Variants in MED25 observed in about 807,000 individuals in gnomAD.
MED25 encodes the protein mediator complex subunit 25, also known as mediator of RNA polymerase II transcription subunit 25.
MED25 carries 62 observed loss-of-function variants against 89.4 expected under a neutral mutation model. The ratio of observed to expected loss-of-function variants is 0.69; its 90% CI spans 0.57 to 0.86. The LOEUF is 0.86. Ranked by LOEUF, MED25 falls within the 40% of genes least tolerant of loss-of-function variation. The pLI is 0.00. For synonymous variants in MED25, 449 were observed against 427.9 expected, an observed-to-expected ratio of 1.05 and a Z score of -0.61; for missense variants, 905 against 1,005.2, an observed-to-expected ratio of 0.90 and a Z score of 1.35.
Position 49,836,040 on chromosome 19 carries a change from T to C in MED25, c.1965+95T>C. 6.4e-7 allele frequency: 1 copy of C among 1,558,220 alleles called. No individual in the cohort carries two copies. Among genetic ancestry groups the C allele is most frequent in the Admixed American group, 1.9e-5 (1 of 52,184 alleles). On this transcript the variant is annotated intron_variant, in intron 16 of 17. Transcript: ENST00000312865. This position sits in a 1 kb window ranked among gnomAD's most constrained non-coding sequence, Gnocchi z 5.1. ...GAGGAGGGAGGTTGACTGTGGTCAG[T>C]GGGTGTGAATGGGGACCCGCCCAGG...
At position 49,829,728 on chromosome 19, in the gene MED25, C is replaced by A; in HGVS notation, c.526-58C>A. 6.6e-7 allele frequency: 1 copy of A among 1,521,704 alleles called. No individual in the cohort carries two copies. The highest frequency in any genetic ancestry group is 8.9e-7 in the Non-Finnish European group (1 of 1,122,802). The allele number at this position is 1,521,704 out of a possible 1,614,324, so 94.3% of individuals were successfully genotyped here. On this transcript the variant is annotated intron_variant, in intron 5 of 17. Transcript: ENST00000312865. This position sits in a 1 kb window ranked among gnomAD's most constrained non-coding sequence, Gnocchi z 4.6. ...ACAGCAGTTGTGGTAGGTTGGGGGC[C>A]GGCCCCAACACCCTTATGGAGGGGG...
chr19:49,838,942 G>A, downstream of MED25: 1 of 368,178 alleles, frequency 2.7e-6, no homozygotes, highest in South Asian at 2.1e-5. Context: ...GTTTATAAAG[G>A]AGCAGAGTGA....
rs761720007 is a variant in MED25 at position 49,836,822 on chromosome 19, C to G, written c.2147-25C>G. 3 of 1,577,252 alleles carry G rather than the reference C, an allele frequency of 1.9e-6. No homozygotes were observed. The highest frequency in any genetic ancestry group is 2.6e-6 in the Non-Finnish European group (3 of 1,149,536). ...GGGCCCAAGGGCCTACTGGGAGATGCAGTCCCTTCCCCACTGCCCCTCAGG... is the reference window on the plus strand; with the variant it reads ...GGGCCCAAGGGCCTACTGGGAGATGGAGTCCCTTCCCCACTGCCCCTCAGG... On this transcript the variant is annotated intron_variant, in intron 17 of 17. Coordinates refer to ENST00000312865, the MANE Select transcript of MED25 (RefSeq NM_030973.4). This position sits in a 1 kb window ranked among gnomAD's most constrained non-coding sequence, Gnocchi z 5.1.
chr19:49,824,390 A>G (rs2074001783), intron 3 of MED25, among the ~76,000 whole-genome samples: 1 of 152,170 alleles, frequency 6.6e-6, no homozygotes, highest in African/African-American at 2.4e-5. Context: ...CTGGCTGAAT[A>G]AATGAATTAG....
At chr19:49,832,215 T>C in intron 12 of MED25, 58 bp downstream of exon 12, 2 of 1,589,672 alleles carry the variant, frequency 1.3e-6, no homozygotes, top group Non-Finnish European at 8.6e-7. Flanking sequence ...TGCTGTCTCT[T>C]TCCTGTTCCC....
At chr19:49,823,772 G>A (rs752599802) in intron 3 of MED25, among the ~76,000 whole-genome samples, 1 of 152,130 alleles carries the variant, frequency 6.6e-6, no homozygotes, top group Admixed American at 6.6e-5. Flanking sequence ...GGAATTCGTA[G>A]GTAACACAGA....
At position 49,831,481 on chromosome 19, in the gene MED25, A is replaced by G. The variant is rs199770232; in HGVS notation, c.1230+20A>G. ...CAAGAGGTGAGGGGCCTGAGGGTCC[A>G]TTGGGCACTTGGGACTCCTGGGGCC... On this transcript the variant is annotated intron_variant, in intron 10 of 17. Coordinates refer to ENST00000312865, the MANE Select transcript of MED25 (RefSeq NM_030973.4). This position sits in a 1 kb window ranked among gnomAD's most constrained non-coding sequence, Gnocchi z 5.0. 11 of 1,609,454 alleles carry G rather than the reference A, an allele frequency of 6.8e-6. No individual in the cohort carries two copies. The South Asian group carries it at 8.9e-5, about 13-fold the overall frequency.
Position 49,835,292 on chromosome 19 carries a change from T to A in MED25, c.1674+115T>A. ...CACCCTTCTCCCAATATGTGGTGCC[T>A]CCAAGCTAAGTCCCACTCAGATTTT... On this transcript the variant is annotated intron_variant, in intron 14 of 17. Transcript: ENST00000312865. This position sits in a 1 kb window ranked among gnomAD's most constrained non-coding sequence, Gnocchi z 6.2. 1 of 1,215,314 alleles carries A rather than the reference T, an allele frequency of 8.2e-7. No homozygotes were observed. The highest frequency in any genetic ancestry group is 1.2e-6 in the Non-Finnish European group (1 of 822,986). 75.3% of individuals were successfully genotyped at this position (1,215,314 alleles called of 1,614,324 possible). A position where few individuals can be genotyped will look rare whatever the true frequency, so the allele number is the denominator to read the frequency against.
At position 49,835,988 on chromosome 19, in the gene MED25, C is replaced by G; in HGVS notation, c.1965+43C>G. On this transcript the variant is annotated intron_variant, in intron 16 of 17. Coordinates refer to ENST00000312865, the MANE Select transcript of MED25 (RefSeq NM_030973.4). This position sits in a 1 kb window ranked among gnomAD's most constrained non-coding sequence, Gnocchi z 6.2. ...GGTAGCGAGAGTTCCAGATCCTGGCCCTGGTGGTTCTGGTCCTGTTGTCTG... is the reference window on the plus strand; with the variant it reads ...GGTAGCGAGAGTTCCAGATCCTGGCGCTGGTGGTTCTGGTCCTGTTGTCTG... 1.9e-6 allele frequency: 3 copies of G among 1,606,390 alleles called. No individual in the cohort carries two copies. The highest frequency in any genetic ancestry group is 1.7e-6 in the Non-Finnish European group (2 of 1,177,440).
At position 49,836,273 on chromosome 19, in the gene MED25, G is replaced by C. The variant is rs1354731314; in HGVS notation, c.2013G>C (p.Gln671His). The C allele has an allele frequency of 1.2e-6, 2 of 1,612,400 alleles. No individual in the cohort carries two copies. Among genetic ancestry groups the C allele is most frequent in the Non-Finnish European group, 1.7e-6 (2 of 1,179,714 alleles). Residue 671 changes from glutamine (Q) to histidine (H), a missense_variant, in exon 17 of 18, where the codon CAG becomes CAC. Gln to His is a conservative substitution (Grantham distance 24). Transcript: ENST00000312865. This position sits in a 1 kb window ranked among gnomAD's most constrained non-coding sequence, Gnocchi z 5.1. ...CCCAGGCCTCCCTCCACCACCTCCAGCCACCAGGGGCTCCTGCGCTGCTGC... is the reference window on the plus strand; with the variant it reads ...CCCAGGCCTCCCTCCACCACCTCCACCCACCAGGGGCTCCTGCGCTGCTGC... ...PPPQASLHHL[Q>H]PPGAPALLPP... is the part of the protein sequence containing the mutation.
rs2074096117 is a variant in MED25 at position 49,836,137 on chromosome 19, C to T, written c.1966-89C>T. 6.5e-7 allele frequency: 1 copy of T among 1,533,878 alleles called. No individual in the cohort carries two copies. The highest frequency in any genetic ancestry group is 1.2e-5 in the South Asian group (1 of 86,858). On this transcript the variant is annotated intron_variant, in intron 16 of 17. Coordinates refer to ENST00000312865, the MANE Select transcript of MED25 (RefSeq NM_030973.4). The surrounding 1 kb of genome is among the most constrained non-coding windows in gnomAD (Gnocchi z 5.1). ...TTTGAAGAAAAACTTCCCCTCACCA[C>T]TAGCTGATTCCATCTCTGAGCAGTG...
chr19:49,828,849 A>AG lies in MED25; in HGVS notation c.405-117dup. On this transcript the variant is annotated intron_variant, in intron 4 of 17. Transcript: ENST00000312865. Reference sequence around the variant, plus strand: ...GCCTCAGTGTTCTCAGCTGTAAAGTAGGGGCGTTGCTTCTGATTCCATGTG... The same window carrying AG: ...GCCTCAGTGTTCTCAGCTGTAAAGTAGGGGGCGTTGCTTCTGATTCCATGTG... 3 of 1,533,876 alleles carry AG rather than the reference A, an allele frequency of 2.0e-6. No individual in the cohort carries two copies. In the South Asian group the frequency reaches 3.6e-5, roughly 18 times the overall value.
In MED25 at chr19:49,818,311, T is replaced by C. The variant is rs1018990154; in HGVS notation, c.-31T>C. ...CTCATTCCGCGGCGTCGGCTGCGGCTGCAGTGGTGGTGGCGGGTACCGCAC... is the reference window on the plus strand; with the variant it reads ...CTCATTCCGCGGCGTCGGCTGCGGCCGCAGTGGTGGTGGCGGGTACCGCAC... On this transcript the variant is annotated 5_prime_UTR_variant, in exon 1 of 18. Transcript: ENST00000312865. 4.5e-6 allele frequency: 7 copies of C among 1,565,932 alleles called. No individual in the cohort carries two copies. In the African/African-American group the frequency reaches 8.2e-5, roughly 18 times the overall value.
chr19:49,828,320 A>C, intron 3 of MED25, 129 bp from the exon 4 acceptor site: 1 of 719,218 alleles, frequency 1.4e-6, no homozygotes, highest in Non-Finnish European at 2.5e-6. Context: ...GGAACTCAGC[A>C]GGGTCCCCGT....
chr19:49,835,573 C>T lies in MED25; in HGVS notation c.1714C>T (p.Leu572=). The change falls in exon 15 of 18, where the codon CTG becomes TTG. Residue 572 remains leucine (L), a synonymous_variant. Transcript: ENST00000312865. The surrounding 1 kb of genome is among the most constrained non-coding windows in gnomAD (Gnocchi z 6.2). ...QQAPPGLGPI[L]EDQARPSQNL... Reference sequence around the variant, plus strand: ...GGCACCCCCAGGGCTGGGGCCCATTCTGGAGGACCAAGCCAGGCCCTCACA... The same window carrying T: ...GGCACCCCCAGGGCTGGGGCCCATTTTGGAGGACCAAGCCAGGCCCTCACA... 6.4e-7 allele frequency: 1 copy of T among 1,567,960 alleles called. No individual in the cohort carries two copies. The highest frequency in any genetic ancestry group is 8.6e-7 in the Non-Finnish European group (1 of 1,157,028).
rs1238291008 is a variant in MED25, at chr19:49,818,302, G to C, written c.-40G>C. The stretch of plus-strand genomic sequence containing the variant: ...GCATTTCTGCTCATTCCGCGGCGTC[G>C]GCTGCGGCTGCAGTGGTGGTGGCGG... On this transcript the variant is annotated 5_prime_UTR_variant, in exon 1 of 18. Coordinates refer to ENST00000312865, the MANE Select transcript of MED25 (RefSeq NM_030973.4). The C allele has an allele frequency of 3.2e-6, 5 of 1,556,006 alleles. No individual in the cohort carries two copies. The highest frequency in any genetic ancestry group is 2.4e-5 in the East Asian group (1 of 41,686).
At chr19:49,840,145 C>T (rs757725504), downstream of MED25, 5 of 151,976 alleles carry the variant, frequency 3.3e-5, no homozygotes, top group South Asian at 2.1e-4. Flanking sequence ...CCGTCCCCAC[C>T]GTGCCACCCG....
At chr19:49,827,759 T>A (rs1291494562) in intron 3 of MED25, among the ~76,000 whole-genome samples, 1 of 152,152 alleles carries the variant, frequency 6.6e-6, no homozygotes, top group Non-Finnish European at 1.5e-5. Context: ...GGCCCCCGTC[T>A]CTGGCTGGGA....
intron 3 of MED25, among the ~76,000 whole-genome samples, chr19:49,825,074 C>G (rs2074007082): frequency 6.6e-6 from 1 of 152,142 alleles, no homozygotes; most frequent in Admixed American, 6.5e-5. Context: ...TATTTTGCAG[C>G]CAGCCATAGT....
Sources: gnomAD v4.1 joint callset for allele counts (sites outside exome capture counted in the v4.1 genomes callset) on GRCh38, gnomAD v4.1.1 for gene constraint, Gnocchi (gnomAD v3.1) non-coding constraint, MANE v1.5 for transcripts, NCBI Gene and HGNC (gene_info 2026-07-23, HGNC 2026-07-21) for gene names.